RBBP6: variants seen among roughly 807,000 people sequenced by gnomAD.
RBBP6 encodes the protein E3 ubiquitin-protein ligase RBBP6.
Under a neutral mutation model 167.7 loss-of-function variants are expected in RBBP6, and 25 were observed. The observed-to-expected ratio is 0.15, with a 90% CI of 0.11 to 0.21. RBBP6 has a LOEUF of 0.21. RBBP6 is among the 10% of genes least tolerant of loss of function. The probability of loss-of-function intolerance (pLI) is 1.00; values close to 1 mark genes in which losing one functional copy is unlikely to be tolerated. For synonymous variants in RBBP6, 789 were observed against 735.8 expected, an observed-to-expected ratio of 1.07 and a Z score of -1.17; for missense variants, 1,868 against 2,134.2, an observed-to-expected ratio of 0.88 and a Z score of 2.46.
At chr16:24,545,584 GT>G (rs978780992) in intron 1 of RBBP6, among the ~76,000 whole-genome samples, 4 of 151,918 alleles carry the variant, frequency 2.6e-5, no homozygotes, top group African/African-American at 9.7e-5. Context: ...TCCTCAACCA[GT>G]TTTTTTCCTG....
chr16:24,561,938 C>A lies in RBBP6; in HGVS notation c.1066C>A (p.Pro356Thr). 3.7e-6 allele frequency: 6 copies of A among 1,613,730 alleles called. No individual in the cohort carries two copies. The highest frequency in any genetic ancestry group is 5.1e-6 in the Non-Finnish European group (6 of 1,179,712). The part of the protein sequence containing the change: ...PRPLIQRNLQ[P>T]LMRSPISRQQ... Reference sequence around the variant, plus strand: ...ACCACTGATTCAGAGGAACCTACAACCTCTGATGAGATCTCCGATATCAAG... The same window carrying A: ...ACCACTGATTCAGAGGAACCTACAAACTCTGATGAGATCTCCGATATCAAG... The change falls in exon 10 of 18, where the codon CCT becomes ACT. Residue 356 changes from proline (P) to threonine (T), a missense_variant. Coordinates refer to ENST00000319715, the MANE Select transcript of RBBP6 (RefSeq NM_006910.5).
intron 14 of RBBP6, among the ~76,000 whole-genome samples, chr16:24,566,784 C>G (rs751673671): frequency 1.3e-5 from 2 of 152,064 alleles, no homozygotes; most frequent in African/African-American, 2.4e-5. Flanking sequence ...TTGGGGAGAG[C>G]TAGGTCATAG....
intron 1 of RBBP6, among the ~76,000 whole-genome samples, 163 bp downstream of exon 1, chr16:24,540,955 T>G (rs1035537693): frequency 3.3e-5 from 5 of 152,136 alleles, no homozygotes; most frequent in Admixed American, 6.5e-5. Flanking sequence ...GCAGTTGGCC[T>G]TGGAGTTTCA....
At chr16:24,542,521 C>T (rs1287698908) in intron 1 of RBBP6, among the ~76,000 whole-genome samples, 1 of 151,756 alleles carries the variant, frequency 6.6e-6, no homozygotes, top group East Asian at 1.9e-4. Flanking sequence ...TGCAGTGGCA[C>T]CATCTTAGCT....
At chr16:24,560,449 A>T (rs931410541) in intron 8 of RBBP6, among the ~76,000 whole-genome samples, 28 of 152,176 alleles carry the variant, frequency 1.8e-4, no homozygotes, top group African/African-American at 6.8e-4. Flanking sequence ...TGCAGTTGTG[A>T]CTTTTTAAAT....
At chr16:24,568,272 T>C (rs2141477348) in intron 16 of RBBP6, among the ~76,000 whole-genome samples, 1 of 152,352 alleles carries the variant, frequency 6.6e-6, no homozygotes, top group Non-Finnish European at 1.5e-5. Flanking sequence ...GAAGTAGTAG[T>C]AGAATACAGA....
chr16:24,543,017 CAAATT>C (rs1264427657), intron 1 of RBBP6, among the ~76,000 whole-genome samples: 1 of 152,054 alleles, frequency 6.6e-6, no homozygotes, highest in Non-Finnish European at 1.5e-5. Context: ...ATGCAGTCCT[CAAATT>C]AAGAGAGAAA....
rs766023570 is a variant in RBBP6 at position 24,561,980 on chromosome 16, A to G, written c.1108A>G (p.Met370Val). ...SPISRQQDPL[M>V]IPVTSSSTHP... ...GATATCAAGACAACAAGATCCTCTT[A>G]TGATTCCAGTGACATCTTCATCAAC... Residue 370 changes from methionine to valine, a missense_variant, in exon 10 of 18, where the codon ATG (methionine) becomes GTG (valine). Coordinates refer to ENST00000319715, the MANE Select transcript of RBBP6 (RefSeq NM_006910.5). 1 of 1,613,798 alleles carries G rather than the reference A, an allele frequency of 6.2e-7. No individual in the cohort carries two copies. The highest frequency in any genetic ancestry group is 8.5e-7 in the Non-Finnish European group (1 of 1,179,792).
rs528073350 is a variant in RBBP6, at chr16:24,540,405, C to G, written c.-222C>G. On this transcript the variant is annotated 5_prime_UTR_variant, in exon 1 of 18. Transcript: ENST00000319715. ...ATTTCCCCTCTTCCCCGTCCTCGTCCTCCTCCTCCCCCATGAAGTGATTCT... is the reference window on the plus strand; with the variant it reads ...ATTTCCCCTCTTCCCCGTCCTCGTCGTCCTCCTCCCCCATGAAGTGATTCT... 6.1e-4 allele frequency: 264 copies of G among 435,834 alleles called. 1 individual carries two copies. The highest frequency in any genetic ancestry group is 9.3e-4 in the Non-Finnish European group (227 of 244,348). 27.0% of individuals were successfully genotyped at this position (435,834 alleles called of 1,614,324 possible).
intron 1 of RBBP6, among the ~76,000 whole-genome samples, chr16:24,545,056 A>G (rs1047559970): frequency 6.6e-6 from 1 of 152,004 alleles, no homozygotes; most frequent in Non-Finnish European, 1.5e-5. Context: ...TTGTTCTCCT[A>G]CAGTTTGTGC....
rs1567280962 is a variant in RBBP6 at position 24,569,995 on chromosome 16, C to G, written c.3305C>G (p.Thr1102Arg). ...AAATCAGCAAAAGAACACCAAGAAA[C>G]AAAACCAGTCAAAGAGGAAAAAGTG... Reference protein sequence around the residue: ...HSKSAKEHQETKPVKEEKVKK... With the variant: ...HSKSAKEHQERKPVKEEKVKK... The change falls in exon 17 of 18, where the codon ACA (threonine) becomes AGA (arginine). Residue 1102 changes from threonine to arginine, a missense_variant. By Grantham distance (71) the Thr-to-Arg change is moderately conservative. Coordinates refer to ENST00000319715, the MANE Select transcript of RBBP6 (RefSeq NM_006910.5). The G allele has an allele frequency of 6.3e-7, 1 of 1,597,046 alleles. No homozygotes were observed. Among genetic ancestry groups the G allele is most frequent in the Non-Finnish European group, 8.5e-7 (1 of 1,176,050 alleles).
In RBBP6 at chr16:24,546,122, A is replaced by G. The variant is rs759667944; in HGVS notation, c.167-41A>G. On this transcript the variant is annotated intron_variant, in intron 1 of 17. Transcript: ENST00000319715. ...TTTCTAATTCTTGGTTACGCACTCA[A>G]ATCCCCAAATGGAAATTCAATTCTG... The G allele has an allele frequency of 1.2e-5, 19 of 1,539,920 alleles. No individual in the cohort carries two copies. The East Asian group carries it at 3.1e-4, about 25-fold the overall frequency.
chr16:24,555,863 G>A lies in RBBP6; in HGVS notation c.480G>A (p.Thr160=), dbSNP rs140732312. ...KPLGPPPPSY[T]CFRCGKPGHY... ...TAGGTCCACCACCTCCATCTTACACGTGTTTCCGTTGTGGTAAACCTGGAC... is the reference window on the plus strand; with the variant it reads ...TAGGTCCACCACCTCCATCTTACACATGTTTCCGTTGTGGTAAACCTGGAC... Residue 160 remains threonine (T), a synonymous_variant, in exon 6 of 18, where the codon ACG becomes ACA. Coordinates refer to ENST00000319715, the MANE Select transcript of RBBP6 (RefSeq NM_006910.5). 9.2e-4 allele frequency: 1,476 copies of A among 1,611,612 alleles called. 3 individuals carry two copies. Among genetic ancestry groups the A allele is most frequent in the Non-Finnish European group, 1.1e-3 (1,341 of 1,177,892 alleles).
chr16:24,563,575 T>G, intron 12 of RBBP6, 35 bp from the exon 13 acceptor site: 1 of 1,612,046 alleles, frequency 6.2e-7, no homozygotes, highest in Non-Finnish European at 8.5e-7. Flanking sequence ...TGTGCAATTT[T>G]GTATTTACCT....
In RBBP6 at chr16:24,540,322, C is replaced by T. The variant is rs1898451537; in HGVS notation, c.-305C>T. 7.3e-6 allele frequency: 2 copies of T among 275,560 alleles called. No homozygotes were observed. Among genetic ancestry groups the T allele is most frequent in the Non-Finnish European group, 1.4e-5 (2 of 143,110 alleles). The allele number at this position is 275,560 out of a possible 1,614,324, so 17.1% of individuals were successfully genotyped here. On this transcript the variant is annotated 5_prime_UTR_variant, in exon 1 of 18. Coordinates refer to ENST00000319715, the MANE Select transcript of RBBP6 (RefSeq NM_006910.5). The stretch of plus-strand genomic sequence containing the variant: ...CCAATCCCCCCGTCTCTGCCGGCCC[C>T]TTAGCATGAGCGAGGGGGACCCAGC...
At chr16:24,542,471 T>TC (rs773894034) in intron 1 of RBBP6, among the ~76,000 whole-genome samples, 3,037 of 149,182 alleles carry the variant, frequency 0.02, 117 homozygotes, top group African/African-American at 0.07. Flanking sequence ...TTTTTTTTTT[T>TC]CCCCTGAAAC....
At chr16:24,567,616 C>T (rs1384047329) in intron 15 of RBBP6, 111 bp downstream of exon 15, 2 of 1,374,396 alleles carry the variant, frequency 1.5e-6, no homozygotes, top group Non-Finnish European at 9.8e-7. Flanking sequence ...GAGAAATTCA[C>T]CTAAAATTTA....
At chr16:24,560,857 A>G (rs1189163028) in intron 8 of RBBP6, among the ~76,000 whole-genome samples, 1 of 152,220 alleles carries the variant, frequency 6.6e-6, no homozygotes, top group African/African-American at 2.4e-5. Context: ...TTGAGCATCT[A>G]CAGACGTTAT....
Position 24,553,626 on chromosome 16 carries a change from GTTT to G in RBBP6, c.348+73_348+75del, listed in dbSNP as rs1212376760. 4 of 1,316,196 alleles carry G rather than the reference GTTT, an allele frequency of 3.0e-6. No individual in the cohort carries two copies. The African/African-American group carries it at 6.0e-5, about 20-fold the overall frequency. The allele number at this position is 1,316,196 out of a possible 1,614,324, so 81.5% of individuals were successfully genotyped here. A position where few individuals can be genotyped will look rare whatever the true frequency, so the allele number is the denominator to read the frequency against. Reference sequence around the variant, plus strand: ...ACATCATATTTTTTTATGTGGAACGGTTTTTTAAGAGGGGTTGGGGGAGGACAT... The same window carrying G: ...ACATCATATTTTTTTATGTGGAACGGTTTAAGAGGGGTTGGGGGAGGACAT... On this transcript the variant is annotated intron_variant, in intron 4 of 17. Transcript: ENST00000319715.
Sources: allele counts gnomAD v4.1 joint callset (sites outside exome capture counted in the v4.1 genomes callset), GRCh38; gene constraint gnomAD v4.1.1; transcripts MANE v1.5; gene names NCBI Gene and HGNC (gene_info 2026-07-23, HGNC 2026-07-21).